ERC2: variants seen among roughly 807,000 people sequenced by gnomAD.
ERC2 encodes the protein ELKS/RAB6-interacting/CAST family member 2, also known as ERC protein 2.
ERC2 carries 42 observed loss-of-function variants against 114.8 expected under a neutral mutation model. The ratio of observed to expected loss-of-function variants is 0.37; its 90% CI spans 0.29 to 0.47. ERC2 has a LOEUF of 0.47. ERC2 is among the 20% of genes least tolerant of loss of function. ERC2 has a pLI of 0.99. For missense variants in ERC2, 939 were observed against 1,150.7 expected, an observed-to-expected ratio of 0.82 and a Z score of 2.66; for synonymous variants, 454 against 425.5, an observed-to-expected ratio of 1.07 and a Z score of -0.82.
intron 7 of ERC2, among the ~76,000 whole-genome samples, chr3:56,041,330 G>A (rs76535822): frequency 5.3e-5 from 8 of 152,256 alleles, no homozygotes; most frequent in East Asian, 1.9e-4. Context: ...TGATATCACT[G>A]CTAGGGGCAG....
intron 13 of ERC2, among the ~76,000 whole-genome samples, chr3:55,889,610 C>T (rs2063514858): frequency 6.6e-6 from 1 of 152,130 alleles, no homozygotes; most frequent in African/African-American, 2.4e-5. Context: ...TGGTTCCGTT[C>T]CAAAGACTTC....
intron 6 of ERC2, among the ~76,000 whole-genome samples, chr3:56,082,467 G>T (rs2077287993): frequency 6.6e-6 from 1 of 151,988 alleles, no homozygotes. Flanking sequence ...CCCAGTCTCG[G>T]TGCTTTGTTC....
chr3:55,865,313 A>T (rs1168088296), intron 14 of ERC2, among the ~76,000 whole-genome samples: 2 of 152,190 alleles, frequency 1.3e-5, no homozygotes, highest in African/African-American at 2.4e-5. Context: ...GAGCTAAAAA[A>T]TGATTTTGAG....
At chr3:56,070,326 T>C (rs998933276) in intron 7 of ERC2, among the ~76,000 whole-genome samples, 4 of 152,202 alleles carry the variant, frequency 2.6e-5, no homozygotes, top group Admixed American at 6.5e-5. Context: ...TCAAAAACTA[T>C]AAGCAATAGC....
At chr3:55,605,510 A>T (rs1035519943) in intron 17 of ERC2, among the ~76,000 whole-genome samples, 14 of 152,210 alleles carry the variant, frequency 9.2e-5, no homozygotes, top group African/African-American at 3.4e-4. Flanking sequence ...TAATGTGATG[A>T]TAACAAAAGG....
intron 7 of ERC2, among the ~76,000 whole-genome samples, chr3:56,073,269 C>A (rs530219196): frequency 1.9e-4 from 29 of 152,124 alleles, no homozygotes; most frequent in Non-Finnish European, 3.1e-4. Context: ...CAGTAGTGAT[C>A]CTTACACAAG....
At chr3:55,744,255 T>A (rs534675693) in intron 14 of ERC2, among the ~76,000 whole-genome samples, 1 of 151,934 alleles carries the variant, frequency 6.6e-6, no homozygotes, top group Non-Finnish European at 1.5e-5. Context: ...ATACAAAAAA[T>A]TAGCTGGGCG....
intron 10 of ERC2, among the ~76,000 whole-genome samples, chr3:55,999,200 A>C (rs1253363755): frequency 6.6e-6 from 1 of 152,208 alleles, no homozygotes; most frequent in East Asian, 1.9e-4. Flanking sequence ...ACCCAACTGA[A>C]GATAACCTGC....
intron 7 of ERC2, among the ~76,000 whole-genome samples, chr3:56,077,876 C>G (rs2077047990): frequency 6.6e-6 from 1 of 152,176 alleles, no homozygotes; most frequent in African/African-American, 2.4e-5. Flanking sequence ...TTGTGCCCAT[C>G]TCACTAGGTA....
At chr3:56,144,984 G>C (rs1316017026) in intron 5 of ERC2, among the ~76,000 whole-genome samples, 3 of 152,174 alleles carry the variant, frequency 2.0e-5, no homozygotes, top group Non-Finnish European at 2.9e-5. Flanking sequence ...GTGACAGCCA[G>C]AAGAAAAGCC....
chr3:56,439,935 A>G (rs1559505587), intron 1 of ERC2, among the ~76,000 whole-genome samples: 1 of 152,216 alleles, frequency 6.6e-6, no homozygotes, highest in Non-Finnish European at 1.5e-5. Flanking sequence ...TGAGAATAAT[A>G]TATTTAAATG....
intron 14 of ERC2, among the ~76,000 whole-genome samples, chr3:55,843,709 C>A (rs2061233381): frequency 6.6e-6 from 1 of 152,188 alleles, no homozygotes; most frequent in Non-Finnish European, 1.5e-5. Flanking sequence ...TTCTCCCATT[C>A]CTTAATCCCA....
chr3:55,983,847 C>T (rs979421936), intron 12 of ERC2, among the ~76,000 whole-genome samples: 14 of 152,088 alleles, frequency 9.2e-5, no homozygotes, highest in African/African-American at 3.4e-4. Flanking sequence ...AAAGAAAGTA[C>T]ATAGTCAGAG....
In ERC2 at chr3:55,905,678, T is replaced by C. The variant is rs1194582874; in HGVS notation, c.2404-17129A>G. ...ATTGCCTTGCAAATAAAACCCCAAC[T>C]CCTTCCTGCAGCTGACAAGGGCCCT... On this transcript the variant is annotated intron_variant, in intron 13 of 17. Coordinates refer to ENST00000288221, the MANE Select transcript of ERC2 (RefSeq NM_015576.3). 2.0e-5 allele frequency among the ~76,000 whole-genome samples: 3 copies of C among 152,200 alleles called. No individual in the cohort carries two copies. In the East Asian group the frequency reaches 5.8e-4, roughly 29 times the overall value.
At position 55,850,845 on chromosome 3, in the gene ERC2, AACACAC is replaced by A. The variant is rs61573924; in HGVS notation, c.2564+37538_2564+37543del. 5.7e-3 allele frequency among the ~76,000 whole-genome samples: 718 copies of A among 125,950 alleles called. 2 individuals carry two copies. Among genetic ancestry groups the A allele is most frequent in the African/African-American group, 0.018 (607 of 33,052 alleles). 82.6% of individuals were successfully genotyped at this position (125,950 alleles called of 152,430 possible). On this transcript the variant is annotated intron_variant, in intron 14 of 17. Transcript: ENST00000288221. The stretch of plus-strand genomic sequence containing the variant: ...TCCTGTTTCTAGATACTCTTTTTCA[AACACAC>A]ACACACACACACACACACACACACA...
chr3:55,997,880 G>GTTTTTTT (rs869077498), intron 10 of ERC2, among the ~76,000 whole-genome samples: 4 of 44,782 alleles, frequency 8.9e-5, no homozygotes, highest in African/African-American at 1.8e-4. Flanking sequence ...TCTTAATTCT[G>GTTTTTTT]TTTTTTTTTT....
intron 17 of ERC2, among the ~76,000 whole-genome samples, chr3:55,512,788 G>C (rs2052183157): frequency 6.6e-6 from 1 of 152,096 alleles, no homozygotes; most frequent in South Asian, 2.1e-4. Flanking sequence ...TTTGGGTAAG[G>C]TTTATGCTGG....
intron 15 of ERC2, among the ~76,000 whole-genome samples, chr3:55,709,586 G>A (rs933123406): frequency 3.3e-5 from 5 of 152,122 alleles, no homozygotes; most frequent in Admixed American, 6.5e-5. Flanking sequence ...GTGGGAGGAC[G>A]GAAGGACGCT....
At chr3:55,913,793 A>G (rs2064945369) in intron 13 of ERC2, among the ~76,000 whole-genome samples, 1 of 152,126 alleles carries the variant, frequency 6.6e-6, no homozygotes. Context: ...CTTTTCACAC[A>G]CAGTCATCTA....
Sources: allele counts gnomAD v4.1 joint callset (sites outside exome capture counted in the v4.1 genomes callset), GRCh38; gene constraint gnomAD v4.1.1; transcripts MANE v1.5; gene names NCBI Gene and HGNC (gene_info 2026-07-23, HGNC 2026-07-21).